The following RBPJ variants were observed in gnomAD, a reference collection of about 807,000 sequenced individuals.
The protein encoded by RBPJ is recombining binding protein suppressor of hairless.
RBPJ carries 9 observed loss-of-function variants against 67.8 expected under a neutral mutation model. That is an observed-to-expected ratio of 0.13 (90% CI 0.08 to 0.23). The LOEUF (loss-of-function observed/expected upper bound fraction) is 0.23, where lower values mean the gene tolerates loss of function less well. RBPJ is among the 10% of genes least tolerant of loss of function. The pLI, the probability that RBPJ is intolerant of heterozygous loss-of-function variation, is 1.00. For synonymous variants in RBPJ, 198 were observed against 203.3 expected, an observed-to-expected ratio of 0.97 and a Z score of 0.22; for missense variants, 305 against 595.6, an observed-to-expected ratio of 0.51 and a Z score of 5.08.
intron 1 of RBPJ, among the ~76,000 whole-genome samples, chr4:26,249,120 GAAGA>G (rs200660762): frequency 0.023 from 3,562 of 152,244 alleles, 130 homozygotes; most frequent in African/African-American, 0.082. Flanking sequence ...GAATAGAAAA[GAAGA>G]AAGAGAAGTG....
intron 1 of RBPJ, among the ~76,000 whole-genome samples, chr4:26,296,717 T>G (rs1721887028): frequency 6.6e-6 from 1 of 152,188 alleles, no homozygotes; most frequent in African/African-American, 2.4e-5. Flanking sequence ...TACCACACCC[T>G]CTCTGAAGAG....
At chr4:26,365,209 G>T (rs1379527329) in intron 1 of RBPJ, among the ~76,000 whole-genome samples, 3 of 151,854 alleles carry the variant, frequency 2.0e-5, no homozygotes, top group African/African-American at 7.3e-5. Context: ...TTTTTGTAGA[G>T]GGTACGCTAT....
At chr4:26,220,902 T>A (rs1226676127) in intron 1 of RBPJ, among the ~76,000 whole-genome samples, 3 of 152,230 alleles carry the variant, frequency 2.0e-5, no homozygotes, top group Non-Finnish European at 2.9e-5. Flanking sequence ...AGGAAATTCA[T>A]CTGGGGCCCA....
chr4:26,253,307 CTTTTTT>C (rs1182769419), intron 1 of RBPJ, among the ~76,000 whole-genome samples: 1 of 114,400 alleles, frequency 8.7e-6, no homozygotes, highest in Non-Finnish European at 1.8e-5. Context: ...TCTGCTATTT[CTTTTTT>C]TTTTTTTTTT....
chr4:26,136,239 A>G, the RBPJ span, among the ~76,000 whole-genome samples: 4 of 152,184 alleles, frequency 2.6e-5, no homozygotes, highest in South Asian at 6.2e-4. Flanking sequence ...AAACCATATC[A>G]TGGACCCAGC....
In RBPJ at chr4:26,430,807, A is replaced by T; in HGVS notation, c.1264A>T (p.Ile422Phe). 6.2e-7 allele frequency: 1 copy of T among 1,614,006 alleles called. No homozygotes were observed. ...PVTLVRNDGI[I>F]YSTSLTFTYT... ...AACTTTGGTCCGAAATGATGGAATC[A>T]TTTATTCCACCAGCCTTACCTTTAC... Residue 422 changes from isoleucine to phenylalanine, a missense_variant, in exon 11 of 11, where the codon ATT becomes TTT. By Grantham distance (21) the Ile-to-Phe change is conservative. Coordinates refer to ENST00000355476, the MANE Select transcript of RBPJ (RefSeq NM_015874.6). The surrounding 1 kb of genome is among the most constrained non-coding windows in gnomAD (Gnocchi z 4.1).
chr4:26,173,687 A>G (rs1284478323), intron 1 of RBPJ, among the ~76,000 whole-genome samples: 1 of 152,072 alleles, frequency 6.6e-6, no homozygotes, highest in Non-Finnish European at 1.5e-5. Flanking sequence ...TAACGCTTCC[A>G]CTCCCATTTG....
the RBPJ span, among the ~76,000 whole-genome samples, chr4:26,114,206 C>A: frequency 6.6e-6 from 1 of 152,066 alleles, no homozygotes; most frequent in African/African-American, 2.4e-5. Context: ...TGCCTGTAAT[C>A]CCAGCACTTT....
chr4:26,291,770 T>G (rs1340431880), intron 1 of RBPJ, among the ~76,000 whole-genome samples: 1 of 150,526 alleles, frequency 6.6e-6, no homozygotes, highest in Non-Finnish European at 1.5e-5. Flanking sequence ...GAGACAGGGT[T>G]TCACCATGTT....
intron 1 of RBPJ, among the ~76,000 whole-genome samples, chr4:26,307,763 A>G (rs1258215072): frequency 6.6e-6 from 1 of 152,248 alleles, no homozygotes; most frequent in Non-Finnish European, 1.5e-5. Context: ...AAATTTTTCC[A>G]AAGTACTTAG....
chr4:26,270,768 A>C (rs1222818635), intron 1 of RBPJ, among the ~76,000 whole-genome samples: 1 of 152,152 alleles, frequency 6.6e-6, no homozygotes, highest in Non-Finnish European at 1.5e-5. Flanking sequence ...AATTGAGTCT[A>C]TGATGTAAAC....
chr4:26,327,542 G>GTTTTTTTTTTT (rs11350013), intron 1 of RBPJ, among the ~76,000 whole-genome samples: 50 of 104,896 alleles, frequency 4.8e-4, no homozygotes, highest in Middle Eastern at 6.9e-3. Flanking sequence ...GACCCTGGAG[G>GTTTTTTTTTTT]TTTTTTTTTT....
At chr4:26,213,855 T>C (rs185074019) in intron 1 of RBPJ, among the ~76,000 whole-genome samples, 46 of 152,148 alleles carry the variant, frequency 3.0e-4, no homozygotes, top group Non-Finnish European at 3.4e-4. Context: ...TGCTTGGAGC[T>C]GGAGAGAGGC....
chr4:26,227,791 C>T (rs1348117335), intron 1 of RBPJ, among the ~76,000 whole-genome samples: 1 of 152,252 alleles, frequency 6.6e-6, no homozygotes, highest in Non-Finnish European at 1.5e-5. Context: ...GTGCCGCTGA[C>T]ACATGTCAGA....
intron 1 of RBPJ, among the ~76,000 whole-genome samples, chr4:26,217,587 G>A (rs2109185940): frequency 6.6e-6 from 1 of 152,302 alleles, no homozygotes; most frequent in South Asian, 2.1e-4. Context: ...AGCTACCCCA[G>A]GGTTCAGAAC....
chr4:26,333,752 A>C (rs1441621803), intron 1 of RBPJ, among the ~76,000 whole-genome samples: 2 of 151,910 alleles, frequency 1.3e-5, no homozygotes, highest in African/African-American at 4.8e-5. Context: ...TACAGTGGCA[A>C]AATCACAGCT....
At chr4:26,275,807 T>C (rs1475616338) in intron 1 of RBPJ, among the ~76,000 whole-genome samples, 3 of 151,972 alleles carry the variant, frequency 2.0e-5, no homozygotes, top group Non-Finnish European at 2.9e-5. Flanking sequence ...CTTTTTTGTA[T>C]TTTTAGTAGA....
intron 1 of RBPJ, among the ~76,000 whole-genome samples, chr4:26,302,036 A>C (rs901371160): frequency 2.0e-5 from 3 of 152,118 alleles, no homozygotes; most frequent in African/African-American, 7.2e-5. Flanking sequence ...CAAATGATCT[A>C]CCTGCCTCGG....
At chr4:26,371,443 C>A (rs940179001) in intron 1 of RBPJ, among the ~76,000 whole-genome samples, 25 of 152,142 alleles carry the variant, frequency 1.6e-4, no homozygotes, top group Admixed American at 9.2e-4. Context: ...GGCATGTATG[C>A]TATTAAGAAA....
Sources: gnomAD v4.1 joint callset for allele counts (sites outside exome capture counted in the v4.1 genomes callset) on GRCh38, gnomAD v4.1.1 for gene constraint, Gnocchi (gnomAD v3.1) non-coding constraint, MANE v1.5 for transcripts, NCBI Gene and HGNC (gene_info 2026-07-23, HGNC 2026-07-21) for gene names.